The following ASTN2 variants were observed in gnomAD, a reference collection of about 807,000 sequenced individuals.
ASTN2 encodes astrotactin-2.
In ASTN2, 54 loss-of-function variants were observed where a neutral mutation model predicts 139.8. The ratio of observed to expected loss-of-function variants is 0.39; its 90% CI spans 0.31 to 0.48. The LOEUF (loss-of-function observed/expected upper bound fraction) is 0.48, where lower values mean the gene tolerates loss of function less well. Ranked by LOEUF, ASTN2 falls within the 20% of genes least tolerant of loss-of-function variation. The pLI is 0.95. For synonymous variants in ASTN2, 756 were observed against 719.5 expected (o/e 1.05, Z -0.81); for missense variants, 1,565 against 1,725.1 (o/e 0.91, Z 1.64).
intron 19 of ASTN2, among the ~76,000 whole-genome samples, chr9:116,549,889 T>TATTAAAAGTA (rs5900219): frequency 0.16 from 23,991 of 151,952 alleles, 2,045 homozygotes; most frequent in African/African-American, 0.21. Flanking sequence ...TAAAGCCATT[T>TATTAAAAGTA]ATTAAAAGTA....
intron 3 of ASTN2, among the ~76,000 whole-genome samples, chr9:117,211,504 A>G (rs1338802082): frequency 6.6e-6 from 1 of 152,156 alleles, no homozygotes; most frequent in Non-Finnish European, 1.5e-5. Flanking sequence ...CTGCTGTGCC[A>G]TGTGAAGAAG....
intron 10 of ASTN2, among the ~76,000 whole-genome samples, chr9:116,889,051 T>G (rs1439436295): frequency 6.6e-6 from 1 of 152,160 alleles, no homozygotes; most frequent in Non-Finnish European, 1.5e-5. Context: ...ACACCCTTAA[T>G]TTTTGTATTT....
intron 22 of ASTN2, chr9:116,437,204 AAT>A (rs1847682783): frequency 7.6e-6 from 3 of 394,176 alleles, no homozygotes; most frequent in Non-Finnish European, 1.0e-5. Context: ...TAATAATAAT[AAT>A]AAAAAATACC....
chr9:116,595,916 C>T (rs1854552800), intron 19 of ASTN2, among the ~76,000 whole-genome samples: 1 of 152,128 alleles, frequency 6.6e-6, no homozygotes, highest in South Asian at 2.1e-4. Context: ...ATCCAGCAAT[C>T]CCACTTCTGG....
intron 1 of ASTN2, among the ~76,000 whole-genome samples, chr9:117,374,369 T>TAAAAAAAAAAAA (rs57428022): frequency 2.3e-5 from 2 of 87,326 alleles, no homozygotes; most frequent in African/African-American, 1.1e-4. Flanking sequence ...AGGGCAGGGT[T>TAAAAAAAAAAAA]AAAAAAAAAA....
At chr9:116,496,679 A>G (rs1849678692) in intron 19 of ASTN2, among the ~76,000 whole-genome samples, 1 of 152,168 alleles carries the variant, frequency 6.6e-6, no homozygotes. Flanking sequence ...AATTAAAGAC[A>G]TATCTGAGAC....
intron 16 of ASTN2, among the ~76,000 whole-genome samples, chr9:116,706,225 A>C (rs933176352): frequency 1.3e-5 from 2 of 152,164 alleles, no homozygotes; most frequent in African/African-American, 2.4e-5. Flanking sequence ...ATTCTGAAAT[A>C]ATATCAAATT....
At chr9:116,522,562 T>C (rs1441386400) in intron 19 of ASTN2, among the ~76,000 whole-genome samples, 2 of 152,118 alleles carry the variant, frequency 1.3e-5, no homozygotes, top group African/African-American at 4.8e-5. Flanking sequence ...TTGGGTACAG[T>C]GTACACTGCT....
intron 17 of ASTN2, among the ~76,000 whole-genome samples, chr9:116,633,962 C>A (rs1856933524): frequency 6.6e-6 from 1 of 152,144 alleles, no homozygotes; most frequent in Non-Finnish European, 1.5e-5. Flanking sequence ...AAGTCTAGAT[C>A]ATTTAACCCA....
intron 10 of ASTN2, among the ~76,000 whole-genome samples, chr9:116,919,652 T>A (rs964024586): frequency 1.3e-5 from 2 of 149,898 alleles, no homozygotes; most frequent in Admixed American, 1.3e-4. Context: ...TTTTTTTTTT[T>A]TTTTTTTTTT....
intron 5 of ASTN2, among the ~76,000 whole-genome samples, chr9:117,087,502 A>T (rs1828598555): frequency 6.6e-6 from 1 of 152,202 alleles, no homozygotes; most frequent in South Asian, 2.1e-4. Context: ...TACCGAGATT[A>T]CAGGAGTGAG....
At chr9:116,853,301 T>C (rs1832659063) in intron 11 of ASTN2, among the ~76,000 whole-genome samples, 1 of 152,164 alleles carries the variant, frequency 6.6e-6, no homozygotes, top group South Asian at 2.1e-4. Context: ...TAAAGGAAGA[T>C]TGATGATCAG....
chr9:117,308,025 C>G (rs1310495422), intron 1 of ASTN2, among the ~76,000 whole-genome samples: 1 of 152,136 alleles, frequency 6.6e-6, no homozygotes, highest in African/African-American at 2.4e-5. Context: ...AAAATTTCCA[C>G]TGATTTGCTA....
At chr9:116,743,414 G>T (rs987107824) in intron 13 of ASTN2, among the ~76,000 whole-genome samples, 4 of 152,128 alleles carry the variant, frequency 2.6e-5, no homozygotes, top group East Asian at 1.9e-4. Context: ...AGCCAGGCGT[G>T]GTGGCGGACG....
chr9:117,064,061 A>G (rs1839378817), intron 5 of ASTN2, among the ~76,000 whole-genome samples: 1 of 152,062 alleles, frequency 6.6e-6, no homozygotes, highest in East Asian at 1.9e-4. Context: ...GCTGTTTCTA[A>G]TTATCTCCCT....
At chr9:117,080,903 TC>T (rs1828408948) in intron 5 of ASTN2, among the ~76,000 whole-genome samples, 1 of 152,152 alleles carries the variant, frequency 6.6e-6, no homozygotes, top group Non-Finnish European at 1.5e-5. Flanking sequence ...GCATAAAATT[TC>T]AGAGCTTTAA....
At chr9:117,274,506 T>C (rs1015245484) in intron 2 of ASTN2, among the ~76,000 whole-genome samples, 1 of 152,240 alleles carries the variant, frequency 6.6e-6, no homozygotes, top group South Asian at 2.1e-4. Context: ...GTCTATTATG[T>C]GCCAGGCACT....
At chr9:116,955,631 A>G (rs2132493541) in intron 10 of ASTN2, among the ~76,000 whole-genome samples, 1 of 152,298 alleles carries the variant, frequency 6.6e-6, no homozygotes, top group East Asian at 1.9e-4. Context: ...AGAAGTGGAA[A>G]AATTACCAGC....
chr9:117,096,608 A>C (rs1210439990), intron 4 of ASTN2, among the ~76,000 whole-genome samples: 1 of 152,208 alleles, frequency 6.6e-6, no homozygotes, highest in Non-Finnish European at 1.5e-5. Context: ...AAGACGCTGG[A>C]GATACAAAGA....
Sources: gnomAD v4.1 joint callset for allele counts (sites outside exome capture counted in the v4.1 genomes callset) on GRCh38, gnomAD v4.1.1 for gene constraint, MANE v1.5 for transcripts, NCBI Gene and HGNC (gene_info 2026-07-23, HGNC 2026-07-21) for gene names.